Variants in PIGR observed in about 807,000 individuals in gnomAD.
PIGR encodes the protein polymeric immunoglobulin receptor.
A neutral mutation model predicts 69.5 loss-of-function variants in PIGR; 22 were observed. That is an observed-to-expected ratio of 0.32 (90% CI 0.23 to 0.45). The LOEUF is 0.45. PIGR is among the 20% of genes least tolerant of loss of function. The pLI is 1.00. For missense variants in PIGR, 885 were observed against 974.0 expected (o/e 0.91, Z 1.22); for synonymous variants, 413 against 407.6 (o/e 1.01, Z -0.16).
At chr1:206,940,673 T>C (rs549834568) in intron 1 of PIGR, 89 bp from the exon 2 acceptor site, 34 of 745,800 alleles carry the variant, frequency 4.6e-5, no homozygotes, top group Non-Finnish European at 6.4e-5. Flanking sequence ...TATTTGGCTT[T>C]GTATCTCCAG....
intron 1 of PIGR, among the ~76,000 whole-genome samples, chr1:206,945,592 A>C (rs1680088920): frequency 6.6e-6 from 1 of 152,256 alleles, no homozygotes; most frequent in Non-Finnish European, 1.5e-5. Flanking sequence ...GGATGATGCG[A>C]TGACACACAT....
intron 1 of PIGR, among the ~76,000 whole-genome samples, chr1:206,944,993 G>A (rs868107414): frequency 6.6e-6 from 1 of 152,140 alleles, no homozygotes; most frequent in South Asian, 2.1e-4. Context: ...CAGGGCAAGT[G>A]GGTTTACTAA....
intron 3 of PIGR, among the ~76,000 whole-genome samples, chr1:206,937,996 AT>A (rs1679901292): frequency 6.6e-6 from 1 of 152,140 alleles, no homozygotes; most frequent in African/African-American, 2.4e-5. Context: ...CACTTATTAC[AT>A]CCAATCTGGT....
At chr1:206,932,309 G>T in intron 8 of PIGR, 147 bp downstream of exon 8, 1 of 979,938 alleles carries the variant, frequency 1.0e-6, no homozygotes, top group Non-Finnish European at 1.5e-6. Context: ...GTATGTGTGG[G>T]TTTATCTTTC....
Position 206,931,822 on chromosome 1 carries a change from GT to G in PIGR, c.2009-21del, listed in dbSNP as rs1679759571. The stretch of plus-strand genomic sequence containing the variant: ...CTCGGTCTGTCCGGGAGGAAGAGGA[GT>G]TGGTGTAAGGACAGGGGCTGGGACC... On this transcript the variant is annotated intron_variant, in intron 8 of 10. Coordinates refer to ENST00000356495, the MANE Select transcript of PIGR (RefSeq NM_002644.4). 6.2e-7 allele frequency: 1 copy of G among 1,613,918 alleles called. No homozygotes were observed. The highest frequency in any genetic ancestry group is 1.3e-5 in the African/African-American group (1 of 74,922).
rs774661832 is a variant in PIGR, at chr1:206,935,683, C to A, written c.1181G>T (p.Arg394Leu). The A allele has an allele frequency of 6.2e-7, 1 of 1,613,956 alleles. No homozygotes were observed. The highest frequency in any genetic ancestry group is 1.7e-5 in the Admixed American group (1 of 59,998). The part of the protein sequence containing the change: ...WCLWEGAQNG[R>L]CPLLVDSEGW... Reference sequence around the variant, plus strand: ...CTCGCTGTCCACCAGCAGGGGGCAGCGGCCATTCTGGGCCCCTTCCCAGAG... The same window carrying A: ...CTCGCTGTCCACCAGCAGGGGGCAGAGGCCATTCTGGGCCCCTTCCCAGAG... Residue 394 changes from arginine (R) to leucine (L), a missense_variant, in exon 5 of 11, where the codon CGC becomes CTC. Transcript: ENST00000356495. The surrounding 1 kb of genome is among the most constrained non-coding windows in gnomAD (Gnocchi z 4.4).
At chr1:206,940,802 T>C (rs1679967566) in intron 1 of PIGR, among the ~76,000 whole-genome samples, 1 of 152,230 alleles carries the variant, frequency 6.6e-6, no homozygotes, top group Admixed American at 6.5e-5. Flanking sequence ...TTTTGTCTTC[T>C]CAACTAAGCT....
chr1:206,938,693 C>A (rs940699832), intron 3 of PIGR, among the ~76,000 whole-genome samples: 1 of 152,076 alleles, frequency 6.6e-6, no homozygotes, highest in Non-Finnish European at 1.5e-5. Context: ...AAAAAATATG[C>A]ATTTTACAAG....
intron 8 of PIGR, 105 bp from the exon 9 acceptor site, chr1:206,931,907 G>T: frequency 7.9e-7 from 1 of 1,273,546 alleles, no homozygotes; most frequent in Non-Finnish European, 1.1e-6. Flanking sequence ...CTGCAGGACA[G>T]CTGAGGTGGT....
intron 1 of PIGR, among the ~76,000 whole-genome samples, chr1:206,943,500 C>A (rs1241585045): frequency 1.3e-5 from 2 of 152,154 alleles, no homozygotes; most frequent in Non-Finnish European, 2.9e-5. Flanking sequence ...AAGTTAGTAT[C>A]CCAACATATG....
At chr1:206,932,689 T>C (rs1209602601) in intron 7 of PIGR, 112 bp from the exon 8 acceptor site, 1 of 1,269,504 alleles carries the variant, frequency 7.9e-7, no homozygotes, top group Admixed American at 2.8e-5. Context: ...CACCCCACCC[T>C]GCTGATGCAG....
At chr1:206,931,169 C>A (rs2102596118) in intron 10 of PIGR, 1 of 985,450 alleles carries the variant, frequency 1.0e-6, no homozygotes, top group South Asian at 4.7e-5. Context: ...CCAGGAAGAG[C>A]ATCCATTTAA....
chr1:206,931,576 G>A (rs774143357), intron 9 of PIGR, 21 bp from the exon 10 acceptor site: 3 of 1,613,834 alleles, frequency 1.9e-6, no homozygotes, highest in South Asian at 2.2e-5. Flanking sequence ...AAAGAGGGTA[G>A]GTTAGCCCTT....
chr1:206,938,389 C>T (rs1679910063), intron 3 of PIGR, among the ~76,000 whole-genome samples: 1 of 152,220 alleles, frequency 6.6e-6, no homozygotes, highest in Non-Finnish European at 1.5e-5. Flanking sequence ...ACCTAAATGA[C>T]CTCCTCATTT....
In PIGR at chr1:206,939,157, C is replaced by T. The variant is rs760246093; in HGVS notation, c.350G>A (p.Arg117Gln). The change falls in exon 3 of 11, where the codon CGA becomes CAA. Residue 117 changes from arginine to glutamine, a missense_variant. Coordinates refer to ENST00000356495, the MANE Select transcript of PIGR (RefSeq NM_002644.4). ...RYKCGLGINSRGLSFDVSLEV... is the reference protein window; with the variant it reads ...RYKCGLGINSQGLSFDVSLEV... ...CAGGCTGACATCAAAGGACAGGCCT[C>T]GGCTATTGATGCCCAGGCCACACTT... The T allele has an allele frequency of 3.4e-5, 55 of 1,613,508 alleles. No homozygotes were observed. Among genetic ancestry groups the T allele is most frequent in the East Asian group, 4.5e-5 (2 of 44,890 alleles).
In PIGR at chr1:206,937,749, G is replaced by T; in HGVS notation, c.391C>A (p.Pro131Thr). Residue 131 changes from proline (P) to threonine (T), a missense_variant and splice_region_variant, in exon 4 of 11, where the codon CCT becomes ACT. Coordinates refer to ENST00000356495, the MANE Select transcript of PIGR (RefSeq NM_002644.4). ...ACTTTAGTGTCATTTAGGAGCCCAGGACCTGCAGGATGAGGGGTGCAAGGT... is the reference window on the plus strand; with the variant it reads ...ACTTTAGTGTCATTTAGGAGCCCAGTACCTGCAGGATGAGGGGTGCAAGGT... Reference protein sequence around the residue: ...FDVSLEVSQGPGLLNDTKVYT... With the variant: ...FDVSLEVSQGTGLLNDTKVYT... 6.2e-7 allele frequency: 1 copy of T among 1,613,538 alleles called. No individual in the cohort carries two copies. The highest frequency in any genetic ancestry group is 2.2e-5 in the East Asian group (1 of 44,876).
Position 206,939,442 on chromosome 1 carries a change from A to G in PIGR, c.65T>C (p.Ile22Thr). 1 of 1,603,206 alleles carries G rather than the reference A, an allele frequency of 6.2e-7. No individual in the cohort carries two copies. Among genetic ancestry groups the G allele is most frequent in the Non-Finnish European group, 8.5e-7 (1 of 1,171,208 alleles). Residue 22 changes from isoleucine to threonine, a missense_variant, in exon 3 of 11, where the codon ATA (isoleucine) becomes ACA (threonine). Physicochemically the swap from Ile to Thr is moderately conservative, Grantham distance 89 (BLOSUM62 -1). Transcript: ENST00000356495. ...VFPAISTKSP[I>T]FGPEEVNSVE... The stretch of plus-strand genomic sequence containing the variant: ...ACTATTCACCTCCTCGGGACCAAAT[A>G]TGGGACTCTTCGTGGAGATGGCTGT...
chr1:206,932,547 C>A lies in PIGR; in HGVS notation c.1917G>T (p.Ala639=). 5 of 1,613,736 alleles carry A rather than the reference C, an allele frequency of 3.1e-6. No homozygotes were observed. Among genetic ancestry groups the A allele is most frequent in the Non-Finnish European group, 4.2e-6 (5 of 1,179,854 alleles). ...SSEEQGGSSR[A]LVSTLVPLGL... ...CCAGGGGCACCAGGGTGGAGACCAGCGCTCTGGAGCTTCCACCTTGTTCCT... is the reference window on the plus strand; with the variant it reads ...CCAGGGGCACCAGGGTGGAGACCAGAGCTCTGGAGCTTCCACCTTGTTCCT... Residue 639 remains alanine (A), a synonymous_variant, in exon 8 of 11, where the codon GCG becomes GCT. Coordinates refer to ENST00000356495, the MANE Select transcript of PIGR (RefSeq NM_002644.4).
chr1:206,945,609 C>G (rs1265241581), intron 1 of PIGR, among the ~76,000 whole-genome samples: 1 of 152,214 alleles, frequency 6.6e-6, no homozygotes, highest in South Asian at 2.1e-4. Context: ...ACATTTATGT[C>G]TCCCATGGCA....
Sources: allele counts gnomAD v4.1 joint callset (sites outside exome capture counted in the v4.1 genomes callset), GRCh38; gene constraint gnomAD v4.1.1; non-coding constraint Gnocchi (gnomAD v3.1); transcripts MANE v1.5; gene names NCBI Gene and HGNC (gene_info 2026-07-23, HGNC 2026-07-21).